BICC1: variants seen among roughly 807,000 people sequenced by gnomAD.
BICC1 encodes BicC family RNA binding protein 1, also known as protein bicaudal C homolog 1.
Under a neutral mutation model 111.0 loss-of-function variants are expected in BICC1, and 43 were observed. That is an observed-to-expected ratio of 0.39 (90% CI 0.30 to 0.50). The LOEUF (loss-of-function observed/expected upper bound fraction) is 0.50, where lower values mean the gene tolerates loss of function less well. Among genes scored for constraint, BICC1 ranks in the 20% least tolerant of loss-of-function variants. The probability of loss-of-function intolerance (pLI) is 0.88; values close to 1 mark genes in which losing one functional copy is unlikely to be tolerated. For synonymous variants in BICC1, 467 were observed against 434.4 expected, an observed-to-expected ratio of 1.07 and a Z score of -0.93; for missense variants, 1,091 against 1,203.2, an observed-to-expected ratio of 0.91 and a Z score of 1.38.
intron 3 of BICC1, among the ~76,000 whole-genome samples, chr10:58,731,656 G>A (rs1056366370): frequency 2.0e-5 from 3 of 152,086 alleles, no homozygotes; most frequent in Non-Finnish European, 4.4e-5. Context: ...TGTACTCATG[G>A]CGGAAGGCAA....
At chr10:58,791,559 A>G (rs185544786) in intron 8 of BICC1, among the ~76,000 whole-genome samples, 1 of 152,234 alleles carries the variant, frequency 6.6e-6, no homozygotes, top group South Asian at 2.1e-4. Flanking sequence ...AATATGGTGA[A>G]ACCCCATCTC....
rs115573105 is a variant in BICC1 at position 58,549,152 on chromosome 10, T to C, written c.190+35819T>C. Among the ~76,000 whole-genome samples the C allele has an allele frequency of 6.4e-3, 972 of 152,158 alleles. 8 individuals carry two copies. The highest frequency in any genetic ancestry group is 0.022 in the African/African-American group (920 of 41,524). ...TGAGCCACCTCCCTCAGCCAGTTTT[T>C]TTTTTTCTCCTATGAATAGTATTCT... On this transcript the variant is annotated intron_variant, in intron 1 of 20. Transcript: ENST00000373886.
chr10:58,759,685 C>G (rs56033692), intron 3 of BICC1, among the ~76,000 whole-genome samples: 1 of 151,916 alleles, frequency 6.6e-6, no homozygotes, highest in Non-Finnish European at 1.5e-5. Flanking sequence ...GCAGGCCTGG[C>G]GCGGTGGCTC....
At chr10:58,759,787 G>A (rs1478607026) in intron 3 of BICC1, among the ~76,000 whole-genome samples, 19 of 151,928 alleles carry the variant, frequency 1.3e-4, no homozygotes, top group East Asian at 5.8e-4. Context: ...GTGAAACCCC[G>A]TCTCTACTAA....
chr10:58,645,258 A>C (rs551109906), intron 2 of BICC1, among the ~76,000 whole-genome samples: 2 of 152,040 alleles, frequency 1.3e-5, no homozygotes, highest in East Asian at 1.9e-4. Context: ...AAATACAAAA[A>C]ATTAGCTGGG....
chr10:58,779,509 T>C (rs1265995136), intron 3 of BICC1, among the ~76,000 whole-genome samples: 1 of 152,218 alleles, frequency 6.6e-6, no homozygotes, highest in African/African-American at 2.4e-5. Context: ...CCATGAGTTA[T>C]CAAAAATTGT....
At chr10:58,609,455 G>T (rs1227610959) in intron 1 of BICC1, among the ~76,000 whole-genome samples, 2 of 152,170 alleles carry the variant, frequency 1.3e-5, no homozygotes, top group Non-Finnish European at 2.9e-5. Flanking sequence ...CTATAGCGGT[G>T]CTGTACAATG....
At chr10:58,742,478 C>A (rs918153822) in intron 3 of BICC1, among the ~76,000 whole-genome samples, 1 of 139,808 alleles carries the variant, frequency 7.2e-6, no homozygotes, top group Non-Finnish European at 1.5e-5. Context: ...CACTCTGTTG[C>A]CCAGGCTGGA....
intron 1 of BICC1, among the ~76,000 whole-genome samples, chr10:58,517,157 G>A (rs1436765336): frequency 6.6e-6 from 1 of 152,138 alleles, no homozygotes; most frequent in Non-Finnish European, 1.5e-5. Flanking sequence ...CCTTCTTTCA[G>A]TAGAGAAAAT....
At chr10:58,589,919 C>T (rs1446779758) in intron 1 of BICC1, among the ~76,000 whole-genome samples, 4 of 152,166 alleles carry the variant, frequency 2.6e-5, no homozygotes, top group African/African-American at 9.6e-5. Context: ...GATCGTCCTG[C>T]CTCAGCCTCC....
At chr10:58,700,228 A>G (rs1468000911) in intron 2 of BICC1, among the ~76,000 whole-genome samples, 5 of 152,162 alleles carry the variant, frequency 3.3e-5, no homozygotes, top group Admixed American at 2.6e-4. Flanking sequence ...GTGTGAGAGT[A>G]GAAAAGGATG....
chr10:58,825,808 A>G (rs555513041), intron 20 of BICC1, among the ~76,000 whole-genome samples: 139 of 152,306 alleles, frequency 9.1e-4, no homozygotes, highest in African/African-American at 3.1e-3. Flanking sequence ...TGTGTTTAGT[A>G]CAATACCATA....
intron 1 of BICC1, among the ~76,000 whole-genome samples, chr10:58,533,782 C>A (rs1335488732): frequency 6.6e-6 from 1 of 151,224 alleles, no homozygotes; most frequent in Non-Finnish European, 1.5e-5. Flanking sequence ...GGTAGATGCA[C>A]CAGAAAAAAT....
At chr10:58,813,321 A>C (rs1843972813) in intron 17 of BICC1, among the ~76,000 whole-genome samples, 1 of 152,132 alleles carries the variant, frequency 6.6e-6, no homozygotes, top group East Asian at 1.9e-4. Context: ...TTTGTTAGAG[A>C]GATTGTATCC....
intron 2 of BICC1, among the ~76,000 whole-genome samples, chr10:58,633,843 C>T (rs943090974): frequency 2.6e-5 from 4 of 152,066 alleles, no homozygotes; most frequent in African/African-American, 9.7e-5. Context: ...CAGTTTAGCA[C>T]ACTCTGGTAT....
intron 3 of BICC1, among the ~76,000 whole-genome samples, chr10:58,750,434 C>A (rs1841954850): frequency 6.6e-6 from 1 of 152,064 alleles, no homozygotes; most frequent in African/African-American, 2.4e-5. Flanking sequence ...TAAACTATGA[C>A]AGAATGCTGT....
chr10:58,642,457 A>G (rs1490785103), intron 2 of BICC1, among the ~76,000 whole-genome samples: 1 of 152,114 alleles, frequency 6.6e-6, no homozygotes, highest in African/African-American at 2.4e-5. Context: ...GGTTGGCATT[A>G]TTCCTGGAAT....
At chr10:58,706,897 T>TA (rs11452226) in intron 3 of BICC1, among the ~76,000 whole-genome samples, 145,591 of 152,134 alleles carry the variant, frequency 0.96, 70,038 homozygotes, top group Middle Eastern at 1. Flanking sequence ...ATACAGTGAG[T>TA]AAAAAAATGT....
At chr10:58,640,182 A>G (rs1321929523) in intron 2 of BICC1, among the ~76,000 whole-genome samples, 1 of 152,200 alleles carries the variant, frequency 6.6e-6, no homozygotes, top group Non-Finnish European at 1.5e-5. Context: ...GGTTGGAAAA[A>G]GAATTGAATC....
Sources: gnomAD v4.1 joint callset for allele counts (sites outside exome capture counted in the v4.1 genomes callset) on GRCh38, gnomAD v4.1.1 for gene constraint, MANE v1.5 for transcripts, NCBI Gene and HGNC (gene_info 2026-07-23, HGNC 2026-07-21) for gene names.